Variants in STAT5B observed in about 807,000 individuals in gnomAD.
The protein encoded by STAT5B is transcription factor STAT5B.
Under a neutral mutation model 107.8 loss-of-function variants are expected in STAT5B, and 21 were observed. The observed-to-expected ratio is 0.19, with a 90% CI of 0.14 to 0.28. The LOEUF (loss-of-function observed/expected upper bound fraction) is 0.28, where lower values mean the gene tolerates loss of function less well. Ranked by LOEUF, STAT5B falls within the 10% of genes least tolerant of loss-of-function variation. The pLI is 1.00. For synonymous variants in STAT5B, 325 were observed against 401.7 expected, an observed-to-expected ratio of 0.81 and a Z score of 2.28; for missense variants, 565 against 1,008.2, an observed-to-expected ratio of 0.56 and a Z score of 5.95.
chr17:42,217,111 CCACA>C, intron 11 of STAT5B, 45 bp downstream of exon 11: 2 of 1,564,234 alleles, frequency 1.3e-6, no homozygotes, highest in East Asian at 2.4e-5. Flanking sequence ...ATAAAGTACA[CCACA>C]CACACACACG....
chr17:42,240,073 G>A (rs1248047695), intron 1 of STAT5B, among the ~76,000 whole-genome samples: 1 of 152,240 alleles, frequency 6.6e-6, no homozygotes, highest in African/African-American at 2.4e-5. Context: ...GGTGGAGGTT[G>A]CAGTGAGCCG....
At chr17:42,232,997 G>A (rs1011679147) in intron 1 of STAT5B, among the ~76,000 whole-genome samples, 1 of 151,224 alleles carries the variant, frequency 6.6e-6, no homozygotes, top group Admixed American at 6.6e-5. Flanking sequence ...GCCCGCCACC[G>A]CACCCAGCTA....
intron 1 of STAT5B, among the ~76,000 whole-genome samples, chr17:42,262,888 ATATG>A (rs1306227925): frequency 2.0e-4 from 25 of 127,932 alleles, no homozygotes; most frequent in Non-Finnish European, 4.0e-4. Flanking sequence ...ATACACATAT[ATATG>A]TGTGTATATA....
At chr17:42,231,155 C>T (rs1000267014) in intron 2 of STAT5B, among the ~76,000 whole-genome samples, 2 of 151,894 alleles carry the variant, frequency 1.3e-5, no homozygotes, top group African/African-American at 4.8e-5. Flanking sequence ...CACCTATCTG[C>T]CCCATTAAAC....
In STAT5B at chr17:42,267,788, G is replaced by A. The variant is rs564216841; in HGVS notation, c.-11+8460C>T. Among the ~76,000 whole-genome samples, 28 of 151,786 alleles carry A rather than the reference G, an allele frequency of 1.8e-4. No homozygotes were observed. The South Asian group carries it at 3.7e-3, about 20-fold the overall frequency. On this transcript the variant is annotated intron_variant, in intron 1 of 18. Transcript: ENST00000293328. The stretch of plus-strand genomic sequence containing the variant: ...AGCCTGGCCAACATGGTGAAACCCC[G>A]TCTCTACTAAAAATACAAAAATTAG...
intron 16 of STAT5B, among the ~76,000 whole-genome samples, chr17:42,206,508 T>G (rs2080086221): frequency 6.6e-6 from 1 of 152,230 alleles, no homozygotes; most frequent in Non-Finnish European, 1.5e-5. Flanking sequence ...GCAAGAATAG[T>G]CACTAAATCA....
intron 12 of STAT5B, among the ~76,000 whole-genome samples, chr17:42,215,290 G>A (rs1052602173): frequency 1.3e-5 from 2 of 152,152 alleles, no homozygotes; most frequent in African/African-American, 4.8e-5. Flanking sequence ...AACCTCTGGA[G>A]TGAACCTAGG....
chr17:42,223,372 C>T lies in STAT5B; in HGVS notation c.550+10G>A, dbSNP rs948506738. ...CTCAAGTTGCACAATGTGCCTCCAC[C>T]GCGCCTCACCTTGGATCCTCAGGCT... On this transcript the variant is annotated intron_variant, in intron 5 of 18. Coordinates refer to ENST00000293328, the MANE Select transcript of STAT5B (RefSeq NM_012448.4). The T allele has an allele frequency of 1.2e-5, 19 of 1,614,142 alleles. No individual in the cohort carries two copies. The highest frequency in any genetic ancestry group is 4.5e-5 in the East Asian group (2 of 44,882).
the STAT5B span, among the ~76,000 whole-genome samples, chr17:42,282,007 G>T: frequency 6.6e-6 from 1 of 152,216 alleles, no homozygotes; most frequent in Non-Finnish European, 1.5e-5. Context: ...AAGCAGCTCA[G>T]TGGGACCAGA....
chr17:42,266,257 G>A (rs1375168030), intron 1 of STAT5B, among the ~76,000 whole-genome samples: 1 of 152,018 alleles, frequency 6.6e-6, no homozygotes, highest in African/African-American at 2.4e-5. Context: ...GCCAGGCTCA[G>A]GGGCTCACAC....
intron 12 of STAT5B, chr17:42,214,315 G>A: frequency 1.0e-6 from 1 of 985,394 alleles, no homozygotes; most frequent in Non-Finnish European, 1.2e-6. Flanking sequence ...GGAAACAAGA[G>A]ATGTGGCAAT....
intron 16 of STAT5B, among the ~76,000 whole-genome samples, chr17:42,205,932 C>A (rs1286152966): frequency 6.6e-6 from 1 of 151,990 alleles, no homozygotes; most frequent in Non-Finnish European, 1.5e-5. Flanking sequence ...ACAAAAAAAA[C>A]AAACATGTCC....
intron 1 of STAT5B, among the ~76,000 whole-genome samples, chr17:42,263,684 GC>G (rs1267511991): frequency 6.6e-6 from 1 of 151,916 alleles, no homozygotes; most frequent in African/African-American, 2.4e-5. Flanking sequence ...GTGCCACCAG[GC>G]CCAGCTAATT....
intron 18 of STAT5B, 77 bp from the exon 19 acceptor site, chr17:42,201,941 G>A: frequency 4.8e-6 from 7 of 1,454,246 alleles, no homozygotes; most frequent in Non-Finnish European, 6.7e-6. Context: ...AGGCCACCAG[G>A]GGAGCAGTCT....
At chr17:42,224,026 G>A (rs2080252759) in intron 4 of STAT5B, among the ~76,000 whole-genome samples, 1 of 152,022 alleles carries the variant, frequency 6.6e-6, no homozygotes, top group Non-Finnish European at 1.5e-5. Flanking sequence ...TCTCGTGATG[G>A]AATCATTTGC....
chr17:42,219,723 G>C lies in STAT5B; in HGVS notation c.670C>G (p.Gln224Glu). Reference sequence around the variant, plus strand: ...AGGACCCCACTCACCACGCGGTACTGCTGCAGTGTCTGTGCCTCACGCTGC... The same window carrying C: ...AGGACCCCACTCACCACGCGGTACTCCTGCAGTGTCTGTGCCTCACGCTGC... ...WLQREAQTLQ[Q>E]YRVELAEKHQ... is the part of the protein sequence containing the mutation. Residue 224 changes from glutamine (Q) to glutamate (E), a missense_variant, in exon 6 of 19, where the codon CAG becomes GAG. By Grantham distance (29) the Gln-to-Glu change is conservative. Transcript: ENST00000293328. 6.2e-7 allele frequency: 1 copy of C among 1,606,938 alleles called. No homozygotes were observed. Among genetic ancestry groups the C allele is most frequent in the South Asian group, 1.1e-5 (1 of 90,454 alleles).
intron 13 of STAT5B, among the ~76,000 whole-genome samples, chr17:42,210,756 G>A (rs567122271): frequency 1.7e-4 from 26 of 152,274 alleles, no homozygotes; most frequent in East Asian, 5.8e-4. Flanking sequence ...GGGCTGACCC[G>A]TCCCTTGCTA....
upstream of STAT5B, among the ~76,000 whole-genome samples, chr17:42,278,570 T>A (rs2080781966): frequency 6.6e-6 from 1 of 152,098 alleles, no homozygotes. Context: ...GGTCTCATGG[T>A]GTGGTGGCAC....
intron 1 of STAT5B, among the ~76,000 whole-genome samples, chr17:42,267,708 G>A (rs938577407): frequency 6.6e-6 from 1 of 152,034 alleles, no homozygotes; most frequent in Non-Finnish European, 1.5e-5. Context: ...CCTATAATCC[G>A]AGCACTTTGG....
Sources: gnomAD v4.1 joint callset for allele counts (sites outside exome capture counted in the v4.1 genomes callset) on GRCh38, gnomAD v4.1.1 for gene constraint, MANE v1.5 for transcripts, NCBI Gene and HGNC (gene_info 2026-07-23, HGNC 2026-07-21) for gene names.